The following TMEM108 variants were observed in gnomAD, a reference collection of about 807,000 sequenced individuals.
The protein encoded by TMEM108 is cancer/testis antigen 124.
In TMEM108, 12 loss-of-function variants were observed where a neutral mutation model predicts 35.1. The ratio of observed to expected loss-of-function variants is 0.34; its 90% confidence interval spans 0.22 to 0.55. The LOEUF is 0.55. Among genes scored for constraint, TMEM108 ranks in the 20% least tolerant of loss-of-function variants. The pLI, the probability that TMEM108 is intolerant of heterozygous loss-of-function variation, is 0.89. For synonymous variants in TMEM108, 287 were observed against 308.6 expected, an observed-to-expected ratio of 0.93 and a Z score of 0.73; for missense variants, 680 against 753.3, an observed-to-expected ratio of 0.90 and a Z score of 1.14.
chr3:133,202,771 T>C (rs1303191846), intron 2 of TMEM108, among the ~76,000 whole-genome samples: 2 of 152,238 alleles, frequency 1.3e-5, no homozygotes, highest in African/African-American at 4.8e-5. Flanking sequence ...GTCTTGGCAA[T>C]GTGGGCTCTT....
intron 2 of TMEM108, among the ~76,000 whole-genome samples, chr3:133,228,471 A>C (rs116402539): frequency 6.6e-6 from 1 of 152,302 alleles, no homozygotes; most frequent in Non-Finnish European, 1.5e-5. Context: ...TATTTATTTC[A>C]AAAAGCCTTA....
At chr3:133,164,432 A>G (rs933446685) in intron 2 of TMEM108, among the ~76,000 whole-genome samples, 1 of 152,214 alleles carries the variant, frequency 6.6e-6, no homozygotes, top group African/African-American at 2.4e-5. Context: ...CCTGTGTCAT[A>G]TGATTGGTGG....
intron 3 of TMEM108, among the ~76,000 whole-genome samples, chr3:133,239,770 T>C (rs962474904): frequency 2.4e-4 from 36 of 152,204 alleles, no homozygotes; most frequent in African/African-American, 8.4e-4. Flanking sequence ...CAGGAGACGC[T>C]TTTAGCTTCC....
At position 133,168,548 on chromosome 3, in the gene TMEM108, T is replaced by G. The variant is rs534418828; in HGVS notation, c.-46-60718T>G. Reference sequence around the variant, plus strand: ...AGCTAAAGGATTGTAAACACACCAGTTAGCACTTGGTAAAAAAAGGACCAA... The same window carrying G: ...AGCTAAAGGATTGTAAACACACCAGGTAGCACTTGGTAAAAAAAGGACCAA... On this transcript the variant is annotated intron_variant, in intron 2 of 5. Coordinates refer to ENST00000321871, the MANE Select transcript of TMEM108 (RefSeq NM_023943.4). 1.7e-4 allele frequency among the ~76,000 whole-genome samples: 26 copies of G among 152,196 alleles called. No individual in the cohort carries two copies. The South Asian group carries it at 5.4e-3, about 32-fold the overall frequency.
At chr3:133,118,341 G>T (rs574238974) in intron 2 of TMEM108, among the ~76,000 whole-genome samples, 4 of 152,054 alleles carry the variant, frequency 2.6e-5, no homozygotes, top group Non-Finnish European at 5.9e-5. Context: ...AGTCTTATCA[G>T]ATTTTTGCCA....
intron 3 of TMEM108, among the ~76,000 whole-genome samples, chr3:133,300,992 A>G (rs1245580702): frequency 2.4e-4 from 9 of 38,092 alleles, no homozygotes; most frequent in African/African-American, 7.4e-4. Context: ...ACACACACAC[A>G]CACACACACA....
At chr3:133,357,040 C>A (rs971995297) in intron 3 of TMEM108, among the ~76,000 whole-genome samples, 5 of 152,100 alleles carry the variant, frequency 3.3e-5, no homozygotes, top group African/African-American at 1.2e-4. Flanking sequence ...AACTGTGCAT[C>A]CAACACAGGA....
At chr3:133,154,329 A>G (rs1187357114) in intron 2 of TMEM108, among the ~76,000 whole-genome samples, 1 of 152,036 alleles carries the variant, frequency 6.6e-6, no homozygotes, top group Non-Finnish European at 1.5e-5. Context: ...TTTTGTTGCC[A>G]TTGCTTTTGG....
chr3:133,153,233 C>A (rs548553384), intron 2 of TMEM108, among the ~76,000 whole-genome samples: 1 of 152,182 alleles, frequency 6.6e-6, no homozygotes, highest in African/African-American at 2.4e-5. Context: ...AGACAAATGC[C>A]TTAAATTTCT....
chr3:133,365,698 C>A (rs1391701274), intron 3 of TMEM108, among the ~76,000 whole-genome samples: 1 of 152,176 alleles, frequency 6.6e-6, no homozygotes. Context: ...TCAGGGGATG[C>A]ACTTAAGCTT....
intron 3 of TMEM108, among the ~76,000 whole-genome samples, chr3:133,259,480 G>C (rs779363736): frequency 3.9e-5 from 6 of 152,192 alleles, no homozygotes; most frequent in Non-Finnish European, 5.9e-5. Flanking sequence ...GAGGTAGGTG[G>C]TGTTATCCCC....
chr3:133,102,543 C>G (rs572644821), intron 2 of TMEM108, among the ~76,000 whole-genome samples: 6 of 152,302 alleles, frequency 3.9e-5, no homozygotes, highest in African/African-American at 1.2e-4. Context: ...TGCTTAAAGT[C>G]TCCCTAGAAT....
chr3:133,063,853 C>T (rs1271634908), intron 2 of TMEM108, among the ~76,000 whole-genome samples: 1 of 152,030 alleles, frequency 6.6e-6, no homozygotes, highest in Non-Finnish European at 1.5e-5. Flanking sequence ...GCCTTGAGAC[C>T]AAGCATTCAT....
At chr3:133,224,371 T>G (rs979298100) in intron 2 of TMEM108, among the ~76,000 whole-genome samples, 15 of 152,134 alleles carry the variant, frequency 9.9e-5, no homozygotes, top group African/African-American at 3.6e-4. Flanking sequence ...TTACTGAGGT[T>G]TTGACAATAC....
At chr3:133,283,942 C>A (rs1018062030) in intron 3 of TMEM108, among the ~76,000 whole-genome samples, 1 of 152,066 alleles carries the variant, frequency 6.6e-6, no homozygotes, top group African/African-American at 2.4e-5. Context: ...TTCCAGGTAG[C>A]AAACGTGGAC....
intron 2 of TMEM108, among the ~76,000 whole-genome samples, chr3:133,125,747 G>A (rs907494524): frequency 6.6e-6 from 1 of 152,144 alleles, no homozygotes; most frequent in Non-Finnish European, 1.5e-5. Context: ...CCATATATTT[G>A]ATTCATGTTC....
At chr3:133,188,454 G>C (rs1224195774) in intron 2 of TMEM108, among the ~76,000 whole-genome samples, 2 of 150,830 alleles carry the variant, frequency 1.3e-5, no homozygotes, top group Non-Finnish European at 2.9e-5. Context: ...TAGGAATGGA[G>C]GGTTTGGGGA....
At chr3:133,325,794 AAATC>A in intron 3 of TMEM108, among the ~76,000 whole-genome samples, 1 of 151,512 alleles carries the variant, frequency 6.6e-6, no homozygotes, top group Non-Finnish European at 1.5e-5. Flanking sequence ...TATATATGTA[AAATC>A]AATATATGGA....
chr3:133,176,155 C>G (rs1332864240), intron 2 of TMEM108, among the ~76,000 whole-genome samples: 1 of 152,168 alleles, frequency 6.6e-6, no homozygotes, highest in African/African-American at 2.4e-5. Flanking sequence ...AATACAGGAG[C>G]ACCCAGATTC....
Sources: allele counts gnomAD v4.1 joint callset (sites outside exome capture counted in the v4.1 genomes callset), GRCh38; gene constraint gnomAD v4.1.1; transcripts MANE v1.5; gene names NCBI Gene and HGNC (gene_info 2026-07-23, HGNC 2026-07-21).